Variants in GEMIN7 observed in about 807,000 individuals in gnomAD.
GEMIN7 encodes the protein gem nuclear organelle associated protein 7, also known as gem-associated protein 7.
In GEMIN7, 7 loss-of-function variants were observed where a neutral mutation model predicts 7.8. The ratio of observed to expected loss-of-function variants is 0.90; its 90% CI spans 0.51 to 1.69. GEMIN7 has a LOEUF of 1.69. GEMIN7 is among the 40% of genes most tolerant of loss of function. The pLI, the probability that GEMIN7 is intolerant of heterozygous loss-of-function variation, is 0.00. For synonymous variants in GEMIN7, 68 were observed against 72.4 expected (o/e 0.94, Z 0.31); for missense variants, 159 against 176.2 (o/e 0.90, Z 0.55).
At chr19:45,076,298 C>T (rs1428615645), upstream of GEMIN7, 1 of 1,448,048 alleles carries the variant, frequency 6.9e-7, no homozygotes. The surrounding 1 kb of genome is among the most constrained non-coding windows in gnomAD (Gnocchi z 4.9). Flanking sequence ...TCCTGCATTT[C>T]CATCTCGTCG....
Position 45,082,786 on chromosome 19 carries a change from A to ATTTTTT in GEMIN7, c.-9+2767_-9+2772dup, listed in dbSNP as rs35129433. On this transcript the variant is annotated intron_variant, in intron 2 of 2. Coordinates refer to ENST00000270257, the MANE Select transcript of GEMIN7 (RefSeq NM_024707.3). ...GTCGCACACTACCCATGCCCAGCTA[A>ATTTTTT]TTTTTTTTTTTTTTTGTAGAGATGG... Among the ~76,000 whole-genome samples, 7 of 138,440 alleles carry ATTTTTT rather than the reference A, an allele frequency of 5.1e-5. 2 individuals carry two copies. Among genetic ancestry groups the ATTTTTT allele is most frequent in the Non-Finnish European group, 7.6e-5 (5 of 65,392 alleles). 90.8% of individuals were successfully genotyped at this position (138,440 alleles called of 152,430 possible). A position where few individuals can be genotyped will look rare whatever the true frequency, so the allele number is the denominator to read the frequency against.
upstream of GEMIN7, chr19:45,075,827 A>G (rs764263204): frequency 9.9e-6 from 16 of 1,614,058 alleles, no homozygotes; most frequent in African/African-American, 1.3e-5. Context: ...CCGCAGGTCA[A>G]CAGATCTGGG....
At chr19:45,076,159 G>A (rs751994978), upstream of GEMIN7, 163 of 1,532,398 alleles carry the variant, frequency 1.1e-4, 1 homozygote, top group Middle Eastern at 3.7e-4. This position sits in a 1 kb window ranked among gnomAD's most constrained non-coding sequence, Gnocchi z 4.9. Flanking sequence ...GGCGGGCATG[G>A]GGCCAGGGGA....
upstream of GEMIN7, chr19:45,079,236 G>C (rs902958736): frequency 6.6e-6 from 1 of 152,338 alleles, no homozygotes; most frequent in Non-Finnish European, 1.5e-5. Context: ...CCTCTGCAGC[G>C]GGGGCGCCGG....
At chr19:45,085,819 T>TAC in intron 2 of GEMIN7, among the ~76,000 whole-genome samples, 1 of 150,660 alleles carries the variant, frequency 6.6e-6, no homozygotes, top group Non-Finnish European at 1.5e-5. Context: ...TGGTGGTGTG[T>TAC]GTCTGTAGTC....
upstream of GEMIN7, chr19:45,076,429 G>A: frequency 8.4e-7 from 1 of 1,190,054 alleles, no homozygotes; most frequent in Non-Finnish European, 1.0e-6. The surrounding 1 kb of genome is among the most constrained non-coding windows in gnomAD (Gnocchi z 4.9). Context: ...GGCGGGCGGA[G>A]GACGCACGAG....
chr19:45,086,741 C>T (rs1967700699), intron 2 of GEMIN7, among the ~76,000 whole-genome samples: 1 of 152,214 alleles, frequency 6.6e-6, no homozygotes, highest in African/African-American at 2.4e-5. Context: ...ACAGCATAGG[C>T]AGCAATTGGG....
chr19:45,080,934 G>A (rs1967484752), intron 2 of GEMIN7, among the ~76,000 whole-genome samples: 1 of 152,122 alleles, frequency 6.6e-6, no homozygotes, highest in Admixed American at 6.5e-5. Context: ...AAACTCAAGT[G>A]TTAATCTAGG....
In GEMIN7 at chr19:45,090,406, G is replaced by T; in HGVS notation, c.292G>T (p.Asp98Tyr). Reference sequence around the variant, plus strand: ...CGCCCACTTTGGAGCCACCGACCTGGATGTGGCCAACTTCTACGTGTCACA... The same window carrying T: ...CGCCCACTTTGGAGCCACCGACCTGTATGTGGCCAACTTCTACGTGTCACA... Reference protein sequence around the residue: ...VAAHFGATDLDVANFYVSQLQ... With the variant: ...VAAHFGATDLYVANFYVSQLQ... The change falls in exon 3 of 3, where the codon GAT becomes TAT. Residue 98 changes from aspartate to tyrosine, a missense_variant. Physicochemically the swap from Asp to Tyr is radical, Grantham distance 160 (BLOSUM62 -3). Coordinates refer to ENST00000270257, the MANE Select transcript of GEMIN7 (RefSeq NM_024707.3). 1 of 1,614,188 alleles carries T rather than the reference G, an allele frequency of 6.2e-7. No homozygotes were observed. Among genetic ancestry groups the T allele is most frequent in the Non-Finnish European group, 8.5e-7 (1 of 1,180,048 alleles).
At chr19:45,084,736 C>T (rs1967622557) in intron 2 of GEMIN7, among the ~76,000 whole-genome samples, 1 of 152,222 alleles carries the variant, frequency 6.6e-6, no homozygotes, top group African/African-American at 2.4e-5. Context: ...TGCCACCATG[C>T]CCAGCCCAGC....
At chr19:45,076,972 T>C (rs2070554890), upstream of GEMIN7, 1 of 152,058 alleles carries the variant, frequency 6.6e-6, no homozygotes, top group African/African-American at 2.4e-5. This position sits in a 1 kb window ranked among gnomAD's most constrained non-coding sequence, Gnocchi z 4.9. Context: ...ACGTAAAATA[T>C]AGATGGCCCT....
chr19:45,081,752 G>T (rs894068346), intron 2 of GEMIN7, among the ~76,000 whole-genome samples: 1 of 151,838 alleles, frequency 6.6e-6, no homozygotes, highest in Non-Finnish European at 1.5e-5. Flanking sequence ...TCAGCCTCCC[G>T]AGTAGCTGGG....
At chr19:45,083,428 T>C (rs532798833) in intron 2 of GEMIN7, among the ~76,000 whole-genome samples, 4 of 151,696 alleles carry the variant, frequency 2.6e-5, no homozygotes, top group African/African-American at 9.7e-5. Flanking sequence ...GCCTGGGGGA[T>C]AGAGTGAGAC....
chr19:45,086,566 C>T (rs1470131945), intron 2 of GEMIN7, among the ~76,000 whole-genome samples: 1 of 152,188 alleles, frequency 6.6e-6, no homozygotes, highest in Non-Finnish European at 1.5e-5. Context: ...CATGCCCGCC[C>T]TGTGAGTTAG....
chr19:45,076,421 C>A (rs1408305350), upstream of GEMIN7: 32 of 1,209,664 alleles, frequency 2.6e-5, no homozygotes, highest in Non-Finnish European at 3.3e-5. The surrounding 1 kb of genome is among the most constrained non-coding windows in gnomAD (Gnocchi z 4.9). Context: ...GGCAGGCGGG[C>A]GGGCGGAGGA....
At chr19:45,081,619 CTTTT>C (rs1188659164) in intron 2 of GEMIN7, among the ~76,000 whole-genome samples, 1 of 150,624 alleles carries the variant, frequency 6.6e-6, no homozygotes, top group Admixed American at 6.6e-5. Flanking sequence ...CTTGACCTTT[CTTTT>C]TTTGTTTGTT....
intron 2 of GEMIN7, among the ~76,000 whole-genome samples, chr19:45,080,310 G>T (rs550476219): frequency 7.2e-5 from 11 of 152,010 alleles, no homozygotes; most frequent in African/African-American, 2.4e-4. Context: ...TTCTACATGG[G>T]GCACGGGTGA....
chr19:45,089,474 G>C (rs532889793), intron 2 of GEMIN7, among the ~76,000 whole-genome samples: 1 of 152,266 alleles, frequency 6.6e-6, no homozygotes, highest in East Asian at 1.9e-4. Context: ...GTGTGAGTGG[G>C]AATCTATCTA....
chr19:45,085,877 T>G (rs1208959801), intron 2 of GEMIN7, among the ~76,000 whole-genome samples: 1 of 140,346 alleles, frequency 7.1e-6, no homozygotes, highest in Non-Finnish European at 1.6e-5. Flanking sequence ...TTTTTTTTTT[T>G]TTTTTTTTGA....
Sources: allele counts gnomAD v4.1 joint callset (sites outside exome capture counted in the v4.1 genomes callset), GRCh38; gene constraint gnomAD v4.1.1; non-coding constraint Gnocchi (gnomAD v3.1); transcripts MANE v1.5; gene names NCBI Gene and HGNC (gene_info 2026-07-23, HGNC 2026-07-21).